The following ADAM22 variants were observed in gnomAD, a reference collection of about 807,000 sequenced individuals.
The protein encoded by ADAM22 is disintegrin and metalloproteinase domain-containing protein 22.
A neutral mutation model predicts 144.6 loss-of-function variants in ADAM22; 65 were observed. That is an observed-to-expected ratio of 0.45 (90% CI 0.37 to 0.55). The LOEUF (loss-of-function observed/expected upper bound fraction) is 0.55. ADAM22 is among the 20% of genes least tolerant of loss of function. The pLI is 0.00. For synonymous variants in ADAM22, 391 were observed against 412.6 expected (o/e 0.95, Z 0.63); for missense variants, 974 against 1,184.9 (o/e 0.82, Z 2.61).
intron 3 of ADAM22, among the ~76,000 whole-genome samples, chr7:87,996,653 A>G (rs149619078): frequency 6.6e-6 from 1 of 152,370 alleles, no homozygotes; most frequent in Non-Finnish European, 1.5e-5. Flanking sequence ...TCATATAGAA[A>G]AAGGTTTACC....
In ADAM22 at chr7:88,131,347, T is replaced by C. The variant is rs1831715219; in HGVS notation, c.904T>C (p.Ser302Pro). 6.2e-7 allele frequency: 1 copy of C among 1,613,708 alleles called. No individual in the cohort carries two copies. Among genetic ancestry groups the C allele is most frequent in the Non-Finnish European group, 8.5e-7 (1 of 1,179,864 alleles). Residue 302 changes from serine to proline, a missense_variant, in exon 11 of 32, where the codon TCT becomes CCT. Physicochemically the swap from Ser to Pro is moderately conservative, Grantham distance 74. Coordinates refer to ENST00000413139, the MANE Select transcript of ADAM22 (RefSeq NM_001324418.2). ...GGCGACTGACAACAAGTTTGCCATATCTGAAAATCCATTGATCACCCTACG... is the reference window on the plus strand; with the variant it reads ...GGCGACTGACAACAAGTTTGCCATACCTGAAAATCCATTGATCACCCTACG... ...TWATDNKFAI[S>P]ENPLITLREF...
chr7:88,181,373 T>C (rs900179961), intron 27 of ADAM22, 132 bp from the exon 28 acceptor site: 14 of 713,150 alleles, frequency 2.0e-5, no homozygotes, highest in Non-Finnish European at 3.0e-5. Flanking sequence ...CTCTTCATTC[T>C]TTCATTTCAG....
rs190289229 is a variant in ADAM22 at position 88,103,720 on chromosome 7, T to G, written c.391-4456T>G. 1.5e-3 allele frequency among the ~76,000 whole-genome samples: 229 copies of G among 152,286 alleles called. 2 individuals are homozygous for G. Among genetic ancestry groups the G allele is most frequent in the Non-Finnish European group, 5.9e-4 (40 of 68,008 alleles). ...AGCCCAAAAGGCTTTTCTCTTTTCC[T>G]GCAACATCTGTCTCAGATTATTGTA... On this transcript the variant is annotated intron_variant, in intron 4 of 31. Transcript: ENST00000413139.
chr7:88,017,968 C>A (rs1010297823), intron 3 of ADAM22, among the ~76,000 whole-genome samples: 2 of 152,094 alleles, frequency 1.3e-5, no homozygotes, highest in Admixed American at 6.6e-5. Context: ...GTACCACATT[C>A]TTCTCGACTC....
chr7:88,160,751 G>C (rs148478510), intron 22 of ADAM22, among the ~76,000 whole-genome samples: 1,889 of 152,220 alleles, frequency 0.012, 48 homozygotes, highest in African/African-American at 0.043. Context: ...TTAAGAAAAT[G>C]TGGCACATAT....
intron 3 of ADAM22, 144 bp downstream of exon 3, chr7:87,978,556 A>AG: frequency 1.7e-6 from 1 of 602,706 alleles, no homozygotes; most frequent in South Asian, 2.5e-5. Context: ...TATTTACTGT[A>AG]GGTTATAAAG....
chr7:87,939,192 C>G (rs965435395), intron 2 of ADAM22, among the ~76,000 whole-genome samples: 1 of 152,046 alleles, frequency 6.6e-6, no homozygotes, highest in African/African-American at 2.4e-5. Context: ...CTGGGGAAGC[C>G]GTGTTTCAAG....
intron 3 of ADAM22, among the ~76,000 whole-genome samples, chr7:88,043,997 C>A (rs1003633680): frequency 6.6e-6 from 1 of 152,166 alleles, no homozygotes; most frequent in Non-Finnish European, 1.5e-5. Context: ...TAAATCAAAT[C>A]AACTATTCTT....
chr7:88,100,441 T>A (rs1463797582), intron 4 of ADAM22, among the ~76,000 whole-genome samples: 1 of 152,186 alleles, frequency 6.6e-6, no homozygotes, highest in African/African-American at 2.4e-5. Context: ...GAGGAAATAA[T>A]CTTTTCACTT....
rs35909431 is a variant in ADAM22 at position 88,019,857 on chromosome 7, A to ATGTGTGTG, written c.323+41485_323+41492dup. On this transcript the variant is annotated intron_variant, in intron 3 of 31. Coordinates refer to ENST00000413139, the MANE Select transcript of ADAM22 (RefSeq NM_001324418.2). ...AGAGCGTGACTCTATCTCAAAAAAT[A>ATGTGTGTG]TGTGTGTGTGTGTGTGTGTGTGTGT... Among the ~76,000 whole-genome samples, 98 of 139,054 alleles carry ATGTGTGTG rather than the reference A, an allele frequency of 7.0e-4. 1 individual carries two copies. Among genetic ancestry groups the ATGTGTGTG allele is most frequent in the South Asian group, 5.1e-3 (20 of 3,916 alleles). 91.2% of individuals were successfully genotyped at this position (139,054 alleles called of 152,430 possible).
chr7:87,972,407 CA>C (rs564689192), intron 2 of ADAM22, among the ~76,000 whole-genome samples: 167 of 152,042 alleles, frequency 1.1e-3, no homozygotes, highest in African/African-American at 3.7e-3. Flanking sequence ...AGGAGAACTA[CA>C]AACCACTGCT....
chr7:88,044,478 ACT>A (rs1224677245), intron 3 of ADAM22, among the ~76,000 whole-genome samples: 1 of 152,006 alleles, frequency 6.6e-6, no homozygotes, highest in Non-Finnish European at 1.5e-5. Context: ...ATGGAGTCTC[ACT>A]CTGTCTCCCA....
At chr7:88,051,084 A>G (rs1403061319) in intron 3 of ADAM22, among the ~76,000 whole-genome samples, 1 of 152,184 alleles carries the variant, frequency 6.6e-6, no homozygotes, top group Non-Finnish European at 1.5e-5. Flanking sequence ...AGAAATAGGA[A>G]CACTTTTACA....
At position 88,026,969 on chromosome 7, in the gene ADAM22, CA is replaced by C. The variant is rs535887970; in HGVS notation, c.323+48558del. On this transcript the variant is annotated intron_variant, in intron 3 of 31. Coordinates refer to ENST00000413139, the MANE Select transcript of ADAM22 (RefSeq NM_001324418.2). ...GAATTTTAGGAAATGCTTTTCATTT[CA>C]GCATCAAATGAAATGATCATATGAA... 2.0e-5 allele frequency among the ~76,000 whole-genome samples: 3 copies of C among 152,226 alleles called. No individual in the cohort carries two copies. In the East Asian group the frequency reaches 5.8e-4, roughly 29 times the overall value.
intron 8 of ADAM22, among the ~76,000 whole-genome samples, chr7:88,126,570 A>G (rs1270621324): frequency 1.3e-5 from 2 of 151,986 alleles, no homozygotes; most frequent in African/African-American, 2.4e-5. Context: ...TTTAACCCTC[A>G]AAAACCTTAA....
At chr7:88,039,482 T>TATATATATATATATATATAG (rs1802543661) in intron 3 of ADAM22, among the ~76,000 whole-genome samples, 1 of 113,550 alleles carries the variant, frequency 8.8e-6, no homozygotes, top group Non-Finnish European at 2.0e-5. Context: ...TATATATATA[T>TATATATATATATATATATAG]ATACATTTCA....
At chr7:88,194,838 C>A (rs1850345954) in intron 31 of ADAM22, among the ~76,000 whole-genome samples, 1 of 152,186 alleles carries the variant, frequency 6.6e-6, no homozygotes, top group Non-Finnish European at 1.5e-5. Flanking sequence ...TCTCCACCAC[C>A]AGTGTCACCC....
At chr7:88,161,543 G>A (rs139534321) in intron 22 of ADAM22, among the ~76,000 whole-genome samples, 9 of 152,194 alleles carry the variant, frequency 5.9e-5, no homozygotes, top group African/African-American at 1.9e-4. Flanking sequence ...CCTACAGAAT[G>A]GGAAAATTCT....
intron 2 of ADAM22, among the ~76,000 whole-genome samples, chr7:87,969,906 A>G (rs1850019183): frequency 1.3e-5 from 2 of 152,214 alleles, no homozygotes; most frequent in South Asian, 2.1e-4. Context: ...TGTGGGTGTT[A>G]CTGAGATGGA....
Sources: allele counts gnomAD v4.1 joint callset (sites outside exome capture counted in the v4.1 genomes callset), GRCh38; gene constraint gnomAD v4.1.1; transcripts MANE v1.5; gene names NCBI Gene and HGNC (gene_info 2026-07-23, HGNC 2026-07-21).